Variants in LSS observed in about 807,000 individuals in gnomAD.
LSS encodes lanosterol synthase.
In LSS, 90 loss-of-function variants were observed where a neutral mutation model predicts 110.3. The observed-to-expected ratio is 0.82, with a 90% CI of 0.69 to 0.97. The LOEUF (loss-of-function observed/expected upper bound fraction) is 0.97. Among genes scored for constraint, LSS ranks in the 50% least tolerant of loss-of-function variants. The probability of loss-of-function intolerance (pLI) is 0.00; values close to 1 mark genes in which losing one functional copy is unlikely to be tolerated. For synonymous variants in LSS, 433 were observed against 400.0 expected (o/e 1.08, Z -0.98); for missense variants, 927 against 990.0 (o/e 0.94, Z 0.85).
rs148826638 is a variant in LSS, at chr21:46,196,766, C to T, written c.1671-499G>A. Among the ~76,000 whole-genome samples, 275 of 152,364 alleles carry T rather than the reference C, an allele frequency of 1.8e-3. 3 individuals are homozygous for T. Among genetic ancestry groups the T allele is most frequent in the South Asian group, 7.2e-3 (35 of 4,828 alleles). On this transcript the variant is annotated intron_variant, in intron 17 of 21. Transcript: ENST00000397728. ...GGACTTGTCTTTAACCAGCAGATCA[C>T]GGCAGGGTTGATGGGTGCGGGTCCT...
In LSS at chr21:46,188,856, C is replaced by T; in HGVS notation, c.*2248G>A. The T allele has an allele frequency of 2.2e-6, 1 of 456,900 alleles. No homozygotes were observed. The highest frequency in any genetic ancestry group is 4.6e-6 in the Non-Finnish European group (1 of 217,786). The allele number at this position is 456,900 out of a possible 1,614,324, so 28.3% of individuals were successfully genotyped here. A position where few individuals can be genotyped will look rare whatever the true frequency, so the allele number is the denominator to read the frequency against. On this transcript the variant is annotated 3_prime_UTR_variant, in exon 22 of 22. Transcript: ENST00000397728. ...AAAACAATGCAGTGAAAGAAAGTTCCTCCTATGTGGACATTGTATCACGTT... is the reference window on the plus strand; with the variant it reads ...AAAACAATGCAGTGAAAGAAAGTTCTTCCTATGTGGACATTGTATCACGTT...
Position 46,209,684 on chromosome 21 carries a change from G to A in LSS, c.1195-59C>T, listed in dbSNP as rs1328903591. 5.5e-5 allele frequency: 82 copies of A among 1,478,588 alleles called. No homozygotes were observed. Among genetic ancestry groups the A allele is most frequent in the South Asian group, 6.0e-5 (5 of 83,516 alleles). 91.6% of individuals were successfully genotyped at this position (1,478,588 alleles called of 1,614,324 possible). A position where few individuals can be genotyped will look rare whatever the true frequency, so the allele number is the denominator to read the frequency against. The stretch of plus-strand genomic sequence containing the variant: ...GCCCTTGCACGGCCAGCATGGCTGC[G>A]CTGGTTTCCCGATGGTCCTGGCCAC... On this transcript the variant is annotated intron_variant, in intron 12 of 21. Coordinates refer to ENST00000397728, the MANE Select transcript of LSS (RefSeq NM_002340.6). This position sits in a 1 kb window ranked among gnomAD's most constrained non-coding sequence, Gnocchi z 4.4.
At chr21:46,203,848 C>T (rs1236942297) in intron 17 of LSS, among the ~76,000 whole-genome samples, 1 of 152,234 alleles carries the variant, frequency 6.6e-6, no homozygotes. Context: ...AAACAGAAAA[C>T]ACTTTTAGTA....
rs1405093437 is a variant in LSS at position 46,221,835 on chromosome 21, C to A, written c.550+19G>T. On this transcript the variant is annotated intron_variant, in intron 5 of 21. Coordinates refer to ENST00000397728, the MANE Select transcript of LSS (RefSeq NM_002340.6). ...GTTGACACGAACCCCTGGCCCAGCA[C>A]ATGCTGCACATGCCGTACCTTTCTT... 1 of 1,613,736 alleles carries A rather than the reference C, an allele frequency of 6.2e-7. No homozygotes were observed. The highest frequency in any genetic ancestry group is 1.7e-5 in the Admixed American group (1 of 60,006).
chr21:46,199,892 C>T (rs1369660295), intron 17 of LSS, among the ~76,000 whole-genome samples: 1 of 152,148 alleles, frequency 6.6e-6, no homozygotes, highest in Non-Finnish European at 1.5e-5. Context: ...TCTGTGAAAC[C>T]ACAGAATGAA....
chr21:46,191,326 G>T, intron 21 of LSS, 91 bp from the exon 22 acceptor site: 1 of 1,455,040 alleles, frequency 6.9e-7, no homozygotes, highest in Non-Finnish European at 9.6e-7. Flanking sequence ...GGCTTGGCTG[G>T]CTTGTGGGTG....
intron 17 of LSS, among the ~76,000 whole-genome samples, chr21:46,197,166 T>C (rs914030120): frequency 2.6e-5 from 4 of 152,218 alleles, no homozygotes; most frequent in African/African-American, 4.8e-5. Context: ...AGGTAACAAA[T>C]ACAAATAGTC....
Position 46,191,943 on chromosome 21 carries a change from C to A in LSS, c.2005G>T (p.Ala669Ser). 3 of 1,613,536 alleles carry A rather than the reference C, an allele frequency of 1.9e-6. No individual in the cohort carries two copies. Among genetic ancestry groups the A allele is most frequent in the South Asian group, 2.2e-5 (2 of 90,900 alleles). Residue 669 changes from alanine to serine, a missense_variant, in exon 21 of 22, where the codon GCC becomes TCC. Physicochemically the swap from Ala to Ser is moderately conservative, Grantham distance 99. Transcript: ENST00000397728. ...AGACACCGGACTCCTCTCTCCTGGG[C>A]CTCGATGTCAGGATGCCTGGTGGAA... ...LMAVRHPDIE[A>S]QERGVRCLLE...
intron 4 of LSS, 144 bp from the exon 5 acceptor site, chr21:46,222,119 T>C: frequency 1.2e-6 from 1 of 816,054 alleles, no homozygotes; most frequent in South Asian, 1.8e-5. Context: ...AGGAGACCCC[T>C]GAGCAGCCAC....
intron 17 of LSS, among the ~76,000 whole-genome samples, chr21:46,203,754 CA>C (rs564137512): frequency 6.6e-6 from 1 of 151,996 alleles, no homozygotes; most frequent in Non-Finnish European, 1.5e-5. Context: ...CCACGGCTTC[CA>C]AAAAAACCAC....
Position 46,222,676 on chromosome 21 carries a change from C to T in LSS, c.382G>A (p.Val128Met), listed in dbSNP as rs761650912. Residue 128 changes from valine (V) to methionine (M), a missense_variant, in exon 4 of 22, where the codon GTG (valine) becomes ATG (methionine). Transcript: ENST00000397728. ...AGCTGCACTGACCGCAGGTACCGCA[C>T]AATCTCTTCTCTGTATCCGGCTGGC... ...PLPAGYREEI[V>M]RYLRSVQLPD... The T allele has an allele frequency of 6.2e-7, 1 of 1,613,942 alleles. No homozygotes were observed. The highest frequency in any genetic ancestry group is 1.1e-5 in the South Asian group (1 of 91,088).
Position 46,213,058 on chromosome 21 carries a change from AG to A in LSS, c.1110-7del. On this transcript the variant is annotated splice_region_variant and splice_polypyrimidine_tract_variant and intron_variant, in intron 10 of 21. Transcript: ENST00000397728. ...TCATGCCGTCAAGGCCCATCCTGTG[AG>A]GAGAAAAAAGCCCAAGTCAGGTGCA... 1 of 1,613,478 alleles carries A rather than the reference AG, an allele frequency of 6.2e-7. No individual in the cohort carries two copies. Among genetic ancestry groups the A allele is most frequent in the South Asian group, 1.1e-5 (1 of 91,006 alleles).
chr21:46,228,663 C>A, intron 1 of LSS, 64 bp from the exon 2 acceptor site: 18 of 1,598,796 alleles, frequency 1.1e-5, no homozygotes, highest in Non-Finnish European at 1.5e-5. Flanking sequence ...GCCCACTGCC[C>A]CAGTCGCGCT....
rs2839144 is a variant in LSS, at chr21:46,207,331, C to A, written c.1467+97G>T. On this transcript the variant is annotated intron_variant, in intron 15 of 21. Transcript: ENST00000397728. ...GACAAGCTCCTACGGCCTGGCCGGA[C>A]TGTGTGCTGGGCTGGAGCCCACAGG... 0.37 allele frequency: 531,565 copies of A among 1,447,942 alleles called. 99,664 individuals are homozygous for A. Among genetic ancestry groups the A allele is most frequent in the African/African-American group, 0.49 (35,318 of 72,222 alleles). The allele number at this position is 1,447,942 out of a possible 1,614,324, so 89.7% of individuals were successfully genotyped here.
chr21:46,210,669 A>G lies in LSS; in HGVS notation c.1194+19T>C. On this transcript the variant is annotated intron_variant, in intron 12 of 21. Transcript: ENST00000397728. ...CAGGAAGGTCAGCTGAGGCTGAGAA[A>G]AGAGAAGGAGCCACGAACCTCAAGC... 6.2e-7 allele frequency: 1 copy of G among 1,613,440 alleles called. No homozygotes were observed. The highest frequency in any genetic ancestry group is 1.1e-5 in the South Asian group (1 of 90,992).
At chr21:46,228,154 T>C (rs1000235069) in intron 2 of LSS, among the ~76,000 whole-genome samples, 4 of 152,236 alleles carry the variant, frequency 2.6e-5, no homozygotes, top group Admixed American at 6.5e-5. Flanking sequence ...TTTTTGTGAA[T>C]AAAAACAAAG....
Position 46,209,789 on chromosome 21 carries a change from T to TA in LSS, c.1195-165dup, listed in dbSNP as rs1181049938. On this transcript the variant is annotated intron_variant, in intron 12 of 21. Transcript: ENST00000397728. This position sits in a 1 kb window ranked among gnomAD's most constrained non-coding sequence, Gnocchi z 4.4. ...CAGGGTCTCCTGCTGCACTTACCTT[T>TA]AAAGACAAAACAGCAAAAGTCCATG... Among the ~76,000 whole-genome samples, 1 of 152,082 alleles carries TA rather than the reference T, an allele frequency of 6.6e-6. No homozygotes were observed. Among genetic ancestry groups the TA allele is most frequent in the Non-Finnish European group, 1.5e-5 (1 of 68,018 alleles).
intron 2 of LSS, among the ~76,000 whole-genome samples, chr21:46,228,224 A>G (rs2080378966): frequency 6.6e-6 from 1 of 152,278 alleles, no homozygotes; most frequent in Non-Finnish European, 1.5e-5. Context: ...AAGGTGCTAA[A>G]AAATAAAACA....
chr21:46,190,020 T>C lies in LSS; in HGVS notation c.*1084A>G. The C allele has an allele frequency of 3.4e-6, 1 of 290,074 alleles. No individual in the cohort carries two copies. Among genetic ancestry groups the C allele is most frequent in the Non-Finnish European group, 6.7e-6 (1 of 148,486 alleles). 18.0% of individuals were successfully genotyped at this position (290,074 alleles called of 1,614,324 possible). The stretch of plus-strand genomic sequence containing the variant: ...CCTGGGGAAGCCTCGGCCCAAAACC[T>C]GGCCCTCGCTCCAGCCCAGAGCACC... On this transcript the variant is annotated 3_prime_UTR_variant, in exon 22 of 22. Coordinates refer to ENST00000397728, the MANE Select transcript of LSS (RefSeq NM_002340.6). The surrounding 1 kb of genome is among the most constrained non-coding windows in gnomAD (Gnocchi z 4.6).
Sources: gnomAD v4.1 joint callset for allele counts (sites outside exome capture counted in the v4.1 genomes callset) on GRCh38, gnomAD v4.1.1 for gene constraint, Gnocchi (gnomAD v3.1) non-coding constraint, MANE v1.5 for transcripts, NCBI Gene and HGNC (gene_info 2026-07-23, HGNC 2026-07-21) for gene names.